Variants in TCF7L1 observed in about 807,000 individuals in gnomAD.
The protein encoded by TCF7L1 is transcription factor 7 like 1, also known as transcription factor 7-like 1.
In TCF7L1, 18 loss-of-function variants were observed where a neutral mutation model predicts 63.7. The ratio of observed to expected loss-of-function variants is 0.28; its 90% CI spans 0.20 to 0.42. TCF7L1 has a LOEUF of 0.42. Among genes scored for constraint, TCF7L1 ranks in the 10% least tolerant of loss-of-function variants. TCF7L1 has a pLI of 1.00. For synonymous variants in TCF7L1, 355 were observed against 340.9 expected, an observed-to-expected ratio of 1.04 and a Z score of -0.46; for missense variants, 654 against 779.3, an observed-to-expected ratio of 0.84 and a Z score of 1.91.
At chr2:85,286,216 G>A (rs991638481) in intron 4 of TCF7L1, among the ~76,000 whole-genome samples, 20 of 150,742 alleles carry the variant, frequency 1.3e-4, no homozygotes, top group East Asian at 9.8e-4. Context: ...AAAAATCGGC[G>A]TGGTGGTACG....
intron 3 of TCF7L1, among the ~76,000 whole-genome samples, chr2:85,193,118 T>C (rs1572985556): frequency 6.6e-6 from 1 of 152,322 alleles, no homozygotes; most frequent in East Asian, 1.9e-4. Context: ...TGACCACCTT[T>C]GCTGTGCTTG....
chr2:85,304,259 G>A lies in TCF7L1; in HGVS notation c.766G>A (p.Gly256Ser). 1 of 1,613,570 alleles carries A rather than the reference G, an allele frequency of 6.2e-7. No individual in the cohort carries two copies. Among genetic ancestry groups the A allele is most frequent in the Admixed American group, 1.7e-5 (1 of 59,968 alleles). The part of the protein sequence containing the change: ...HPLGWLVPQQ[G>S]QPMYSLPPGG... ...CAGATTTCCTCCCCCTCACAGGCAAGGCCAGCCCATGTACTCCCTTCCTCC... is the reference window on the plus strand; with the variant it reads ...CAGATTTCCTCCCCCTCACAGGCAAAGCCAGCCCATGTACTCCCTTCCTCC... The change falls in exon 7 of 12, where the codon GGC becomes AGC. Residue 256 changes from glycine to serine, a missense_variant. Physicochemically the swap from Gly to Ser is moderately conservative, Grantham distance 56. Around this residue, in one of 3 missense-constraint regions of TCF7L1, gnomAD observed 404 missense variants for 454.8 expected, o/e 0.89. Transcript: ENST00000282111.
chr2:85,153,340 A>ATGTTTTTTTTTTTTTTTTTTTTTTTTT (rs750002994), intron 3 of TCF7L1, among the ~76,000 whole-genome samples: 22 of 102,262 alleles, frequency 2.2e-4, no homozygotes, highest in Non-Finnish European at 3.4e-4. Context: ...GCCTTTATAA[A>ATGTTTTTTTTTTTTTTTTTTTTTTTTT]TTTTTTTTTT....
rs1436761430 is a variant in TCF7L1 at position 85,133,772 on chromosome 2, G to C, written c.88G>C (p.Asp30His). ...GSSAGAAGGG[D>H]DLGANDELIP... ...CAGCGCCGGGGCGGCCGGCGGAGGGGACGACCTCGGGGCGAACGACGAGCT... is the reference window on the plus strand; with the variant it reads ...CAGCGCCGGGGCGGCCGGCGGAGGGCACGACCTCGGGGCGAACGACGAGCT... Residue 30 changes from aspartate to histidine, a missense_variant, in exon 1 of 12, where the codon GAC (aspartate) becomes CAC (histidine). This residue lies in a region of TCF7L1 where 404 missense variants were observed against 454.8 expected (regional missense o/e 0.89). Transcript: ENST00000282111. This position sits in a 1 kb window ranked among gnomAD's most constrained non-coding sequence, Gnocchi z 4.4. The C allele has an allele frequency of 7.9e-7, 1 of 1,258,600 alleles. No individual in the cohort carries two copies. The highest frequency in any genetic ancestry group is 1.0e-6 in the Non-Finnish European group (1 of 998,958). The allele number at this position is 1,258,600 out of a possible 1,614,324, so 78.0% of individuals were successfully genotyped here.
chr2:85,156,841 C>G (rs1678158746), intron 3 of TCF7L1, among the ~76,000 whole-genome samples: 1 of 152,036 alleles, frequency 6.6e-6, no homozygotes, highest in African/African-American at 2.4e-5. Flanking sequence ...GCATTGCTGC[C>G]CAGGAGACAT....
At chr2:85,304,129 G>A in intron 6 of TCF7L1, 126 bp from the exon 7 acceptor site, 1 of 1,228,734 alleles carries the variant, frequency 8.1e-7, no homozygotes, top group Non-Finnish European at 1.2e-6. Flanking sequence ...CCCCCGCCCA[G>A]GCAGCGTGCT....
At chr2:85,300,382 G>T (rs1345010364) in intron 4 of TCF7L1, among the ~76,000 whole-genome samples, 1 of 152,118 alleles carries the variant, frequency 6.6e-6, no homozygotes, top group Non-Finnish European at 1.5e-5. Context: ...TGTGTTGTAT[G>T]TTCATGTATA....
intron 3 of TCF7L1, among the ~76,000 whole-genome samples, chr2:85,203,205 G>A (rs1193550493): frequency 2.0e-5 from 3 of 152,104 alleles, no homozygotes; most frequent in African/African-American, 4.8e-5. Flanking sequence ...AATTTTAATA[G>A]CATTTCTAAC....
intron 4 of TCF7L1, among the ~76,000 whole-genome samples, chr2:85,292,471 T>C (rs1681750222): frequency 6.6e-6 from 1 of 152,256 alleles, no homozygotes; most frequent in Non-Finnish European, 1.5e-5. Context: ...TTAAAAGCTA[T>C]AAAAACAATC....
chr2:85,226,871 G>A (rs925867308), intron 3 of TCF7L1, among the ~76,000 whole-genome samples: 6 of 138,116 alleles, frequency 4.3e-5, no homozygotes, highest in African/African-American at 1.7e-4. Context: ...TGTCATTCTC[G>A]TGCTTGCAAA....
chr2:85,234,734 G>A (rs895503897), intron 3 of TCF7L1, among the ~76,000 whole-genome samples: 7 of 152,134 alleles, frequency 4.6e-5, no homozygotes, highest in Non-Finnish European at 8.8e-5. Flanking sequence ...AGATGAAGAC[G>A]CTAAAGGTGG....
At chr2:85,153,340 A>ATTTTTTT (rs66697146) in intron 3 of TCF7L1, among the ~76,000 whole-genome samples, 1,898 of 102,146 alleles carry the variant, frequency 0.019, 118 homozygotes, top group East Asian at 0.067. Flanking sequence ...GCCTTTATAA[A>ATTTTTTT]TTTTTTTTTT....
At chr2:85,292,832 C>T (rs1357993068) in intron 4 of TCF7L1, among the ~76,000 whole-genome samples, 5 of 152,254 alleles carry the variant, frequency 3.3e-5, no homozygotes. Context: ...GCTGCCTTAG[C>T]CTCCCAAAGT....
intron 3 of TCF7L1, among the ~76,000 whole-genome samples, chr2:85,259,014 C>T (rs1189846788): frequency 6.6e-6 from 1 of 152,148 alleles, no homozygotes; most frequent in African/African-American, 2.4e-5. Context: ...TCTGTAATAC[C>T]CCCACACTCG....
intron 3 of TCF7L1, among the ~76,000 whole-genome samples, chr2:85,261,851 A>G (rs1680864191): frequency 6.6e-6 from 1 of 152,230 alleles, no homozygotes; most frequent in South Asian, 2.1e-4. Context: ...ACTGCACTCC[A>G]GCCTGGGCAA....
chr2:85,143,085 G>A (rs1677783237), intron 3 of TCF7L1, among the ~76,000 whole-genome samples: 1 of 152,166 alleles, frequency 6.6e-6, no homozygotes, highest in Non-Finnish European at 1.5e-5. Context: ...ATGGTCAAAG[G>A]CAATAGCTCT....
chr2:85,184,812 T>A (rs534290339), intron 3 of TCF7L1, among the ~76,000 whole-genome samples: 39 of 152,280 alleles, frequency 2.6e-4, no homozygotes, highest in Non-Finnish European at 2.4e-4. Context: ...TCCCCTCTCT[T>A]CTACCTGGGC....
At chr2:85,240,211 GAGCA>G (rs1680292087) in intron 3 of TCF7L1, among the ~76,000 whole-genome samples, 1 of 152,224 alleles carries the variant, frequency 6.6e-6, no homozygotes, top group African/African-American at 2.4e-5. Flanking sequence ...ACGTTGCACA[GAGCA>G]GCTCTGGGAG....
chr2:85,149,726 T>A (rs535743810), intron 3 of TCF7L1, among the ~76,000 whole-genome samples: 1 of 152,312 alleles, frequency 6.6e-6, no homozygotes, highest in South Asian at 2.1e-4. Flanking sequence ...GGTTTCACTA[T>A]GTTGGCCAGG....
Sources: allele counts gnomAD v4.1 joint callset (sites outside exome capture counted in the v4.1 genomes callset), GRCh38; gene constraint gnomAD v4.1.1; regional missense constraint gnomAD v4.1.1; non-coding constraint Gnocchi (gnomAD v3.1); transcripts MANE v1.5; gene names NCBI Gene and HGNC (gene_info 2026-07-23, HGNC 2026-07-21).